The following FOXP1 variants were observed in gnomAD, a reference collection of about 807,000 sequenced individuals.
FOXP1 encodes forkhead box P1, also known as forkhead box protein P1.
A neutral mutation model predicts 98.2 loss-of-function variants in FOXP1; 15 were observed. The observed-to-expected ratio is 0.15, with a 90% CI of 0.10 to 0.24. The LOEUF is 0.24. Ranked by LOEUF, FOXP1 falls within the 10% of genes least tolerant of loss-of-function variation. The pLI, the probability that FOXP1 is intolerant of heterozygous loss-of-function variation, is 1.00. For missense variants in FOXP1, 633 were observed against 848.5 expected (o/e 0.75, Z 3.15); for synonymous variants, 371 against 314.5 (o/e 1.18, Z -1.90).
chr3:71,125,552 G>A (rs2059108038), intron 6 of FOXP1, among the ~76,000 whole-genome samples: 1 of 152,204 alleles, frequency 6.6e-6, no homozygotes, highest in Non-Finnish European at 1.5e-5. Context: ...TGGTTTGGTT[G>A]AGGAATTAGT....
chr3:71,337,326 G>A (rs1169634439), intron 4 of FOXP1, among the ~76,000 whole-genome samples: 2 of 152,074 alleles, frequency 1.3e-5, no homozygotes, highest in Non-Finnish European at 2.9e-5. Flanking sequence ...CTATTAAAAC[G>A]GAAATTTAAA....
intron 9 of FOXP1, among the ~76,000 whole-genome samples, chr3:71,050,009 T>A (rs1383456532): frequency 6.6e-6 from 1 of 152,082 alleles, no homozygotes; most frequent in Non-Finnish European, 1.5e-5. Flanking sequence ...GCCTGGGAAG[T>A]GGATGACAAA....
chr3:71,135,350 C>G (rs890301608), intron 6 of FOXP1, among the ~76,000 whole-genome samples: 2 of 151,468 alleles, frequency 1.3e-5, no homozygotes, highest in Admixed American at 1.3e-4. Context: ...GAGGGGAGAC[C>G]AATATCCATT....
chr3:71,103,355 C>A (rs745836528), intron 7 of FOXP1, among the ~76,000 whole-genome samples: 1 of 152,104 alleles, frequency 6.6e-6, no homozygotes, highest in Non-Finnish European at 1.5e-5. Context: ...CATCTCTGAC[C>A]CAATAGAAAT....
chr3:71,221,703 A>G (rs1032060659), intron 5 of FOXP1, among the ~76,000 whole-genome samples: 3 of 152,178 alleles, frequency 2.0e-5, no homozygotes, highest in Admixed American at 6.5e-5. Flanking sequence ...TTACTCTTCT[A>G]TCCCTCTAGT....
intron 3 of FOXP1, among the ~76,000 whole-genome samples, chr3:71,409,133 CCT>C (rs2082548274): frequency 6.6e-6 from 1 of 152,092 alleles, no homozygotes; most frequent in Admixed American, 6.6e-5. Flanking sequence ...AATGGTCTTC[CCT>C]CAAATATTCT....
At chr3:71,407,464 T>C (rs570568374) in intron 3 of FOXP1, among the ~76,000 whole-genome samples, 1 of 152,346 alleles carries the variant, frequency 6.6e-6, no homozygotes, top group African/African-American at 2.4e-5. Flanking sequence ...CCATATTATG[T>C]AATTATCTTT....
At chr3:71,030,046 G>A (rs1163665863) in intron 11 of FOXP1, among the ~76,000 whole-genome samples, 3 of 152,148 alleles carry the variant, frequency 2.0e-5, no homozygotes, top group African/African-American at 4.8e-5. Context: ...TAGCATACCC[G>A]ATTCAGGGGT....
At chr3:71,315,011 C>CAAGCGGGA (rs903576242) in intron 4 of FOXP1, among the ~76,000 whole-genome samples, 3 of 127,428 alleles carry the variant, frequency 2.4e-5, no homozygotes, top group African/African-American at 6.0e-5. Context: ...AGAAGAATTA[C>CAAGCGGGA]AAGCGGGAAT....
chr3:71,210,616 G>A (rs757410539), intron 5 of FOXP1, among the ~76,000 whole-genome samples: 6 of 152,144 alleles, frequency 3.9e-5, no homozygotes, highest in East Asian at 1.9e-4. Flanking sequence ...ATGCAAGTCC[G>A]GCTGCTGGAA....
intron 2 of FOXP1, among the ~76,000 whole-genome samples, chr3:71,529,399 G>T (rs932871151): frequency 2.6e-5 from 4 of 152,136 alleles, no homozygotes; most frequent in African/African-American, 9.7e-5. Flanking sequence ...TTTGGTCTCT[G>T]CCCTTGTTTC....
At chr3:71,141,862 G>A (rs986577783) in intron 6 of FOXP1, among the ~76,000 whole-genome samples, 5 of 152,300 alleles carry the variant, frequency 3.3e-5, no homozygotes, top group South Asian at 2.1e-4. Flanking sequence ...ACGAAGAGGT[G>A]ACATTTAATT....
At chr3:71,008,104 A>C (rs758251117) in intron 12 of FOXP1, among the ~76,000 whole-genome samples, 1 of 152,246 alleles carries the variant, frequency 6.6e-6, no homozygotes, top group Non-Finnish European at 1.5e-5. Flanking sequence ...GTGGTCACTT[A>C]AAAGAAAAAC....
intron 7 of FOXP1, among the ~76,000 whole-genome samples, chr3:71,063,738 G>C (rs965294871): frequency 6.6e-6 from 1 of 152,190 alleles, no homozygotes; most frequent in Non-Finnish European, 1.5e-5. Flanking sequence ...CTATGGAAAT[G>C]AGGTGATTTG....
intron 2 of FOXP1, among the ~76,000 whole-genome samples, chr3:71,532,295 C>G (rs1332822659): frequency 6.6e-6 from 1 of 152,080 alleles, no homozygotes; most frequent in Non-Finnish European, 1.5e-5. Flanking sequence ...CGGGGTTTTG[C>G]CGTATTGCCC....
chr3:70,984,501 C>T (rs2039407608), intron 14 of FOXP1, among the ~76,000 whole-genome samples: 1 of 152,164 alleles, frequency 6.6e-6, no homozygotes, highest in Non-Finnish European at 1.5e-5. Context: ...TGTAGTTTAT[C>T]TGTTATTTCT....
At chr3:71,432,311 GAGTT>G (rs1168720825) in intron 3 of FOXP1, among the ~76,000 whole-genome samples, 1 of 152,114 alleles carries the variant, frequency 6.6e-6, no homozygotes, top group East Asian at 1.9e-4. Context: ...TGCACCCATC[GAGTT>G]GATTTTTCCA....
intron 6 of FOXP1, among the ~76,000 whole-genome samples, chr3:71,113,668 G>C (rs181726996): frequency 2.2e-5 from 3 of 138,866 alleles, no homozygotes; most frequent in Admixed American, 7.7e-5. Context: ...AGTCGAGATC[G>C]CACCACTGTG....
intron 3 of FOXP1, among the ~76,000 whole-genome samples, chr3:71,373,324 CAA>C (rs11320170): frequency 1.3e-5 from 2 of 150,804 alleles, no homozygotes; most frequent in East Asian, 2.0e-4. Flanking sequence ...TTCGCCTTTA[CAA>C]AAAAAAAACA....
Sources: allele counts gnomAD v4.1 joint callset (sites outside exome capture counted in the v4.1 genomes callset), GRCh38; gene constraint gnomAD v4.1.1; transcripts MANE v1.5; gene names NCBI Gene and HGNC (gene_info 2026-07-23, HGNC 2026-07-21).